Variants in CFAP299 observed in about 807,000 individuals in gnomAD.
CFAP299 encodes the protein cilia and flagella associated protein 299, also known as cilia- and flagella-associated protein 299.
CFAP299 carries 21 observed loss-of-function variants against 27.0 expected under a neutral mutation model. That is an observed-to-expected ratio of 0.78 (90% CI 0.55 to 1.12). The LOEUF (loss-of-function observed/expected upper bound fraction) is 1.12. Ranked by LOEUF, CFAP299 falls within the 50% of genes most tolerant of loss-of-function variation. The probability of loss-of-function intolerance (pLI) is 0.00; values close to 1 mark genes in which losing one functional copy is unlikely to be tolerated. For synonymous variants in CFAP299, 104 were observed against 98.1 expected (o/e 1.06, Z -0.36); for missense variants, 310 against 276.6 (o/e 1.12, Z -0.86).
At chr4:80,591,670 G>T (rs1317332648) in intron 3 of CFAP299, among the ~76,000 whole-genome samples, 2 of 152,136 alleles carry the variant, frequency 1.3e-5, no homozygotes, top group South Asian at 4.1e-4. Context: ...CAGAGCCAAG[G>T]AGTCACTGAG....
chr4:80,371,725 A>G (rs922743461), intron 2 of CFAP299, among the ~76,000 whole-genome samples: 7 of 150,598 alleles, frequency 4.6e-5, no homozygotes, highest in Non-Finnish European at 9.0e-5. Flanking sequence ...TCTAGTTTCT[A>G]ATAAGTTGCC....
intron 2 of CFAP299, among the ~76,000 whole-genome samples, chr4:80,367,985 A>G (rs1254052877): frequency 6.6e-6 from 1 of 152,154 alleles, no homozygotes; most frequent in African/African-American, 2.4e-5. Context: ...CTCAGGCTGG[A>G]TACTTGCCTG....
At chr4:80,693,835 C>T (rs1290557058) in intron 3 of CFAP299, among the ~76,000 whole-genome samples, 4 of 151,086 alleles carry the variant, frequency 2.6e-5, no homozygotes, top group Admixed American at 6.6e-5. Flanking sequence ...GCAATGTCAT[C>T]TGTTAATAAA....
At chr4:80,371,087 A>G (rs755604132) in intron 2 of CFAP299, among the ~76,000 whole-genome samples, 10 of 152,186 alleles carry the variant, frequency 6.6e-5, no homozygotes, top group Non-Finnish European at 1.0e-4. Flanking sequence ...GTGCACTTGT[A>G]GTCCTAACAC....
At chr4:80,519,674 A>G (rs1732804249) in intron 2 of CFAP299, among the ~76,000 whole-genome samples, 1 of 152,316 alleles carries the variant, frequency 6.6e-6, no homozygotes, top group South Asian at 2.1e-4. Context: ...TCCATGTTCA[A>G]TAAGTCAGCC....
At chr4:80,372,060 A>G (rs542109700) in intron 2 of CFAP299, among the ~76,000 whole-genome samples, 89 of 152,354 alleles carry the variant, frequency 5.8e-4, no homozygotes, top group Non-Finnish European at 1.0e-3. Flanking sequence ...TAATTGGCTC[A>G]TGATTCTTCA....
At chr4:80,636,123 G>T (rs1442002381) in intron 3 of CFAP299, among the ~76,000 whole-genome samples, 1 of 152,038 alleles carries the variant, frequency 6.6e-6, no homozygotes, top group Non-Finnish European at 1.5e-5. Flanking sequence ...ATCTCAGAAG[G>T]ATTAAAAAAT....
At chr4:80,889,344 G>A (rs1343768820) in intron 4 of CFAP299, among the ~76,000 whole-genome samples, 2 of 151,862 alleles carry the variant, frequency 1.3e-5, no homozygotes, top group Non-Finnish European at 2.9e-5. Context: ...TGGCTACTAT[G>A]AGCAAATATA....
chr4:80,347,365 A>C (rs1430417509), intron 1 of CFAP299, among the ~76,000 whole-genome samples: 1 of 151,966 alleles, frequency 6.6e-6, no homozygotes, highest in Non-Finnish European at 1.5e-5. Flanking sequence ...TTTTAAAGGG[A>C]ATGCTTCCAG....
chr4:80,782,623 A>G (rs1467176811), intron 3 of CFAP299, among the ~76,000 whole-genome samples: 3 of 106,460 alleles, frequency 2.8e-5, no homozygotes, highest in Non-Finnish European at 6.3e-5. Context: ...AATATATAAT[A>G]TATTCATATA....
At chr4:80,903,433 T>C (rs1053838525) in intron 4 of CFAP299, among the ~76,000 whole-genome samples, 1 of 152,036 alleles carries the variant, frequency 6.6e-6, no homozygotes, top group Non-Finnish European at 1.5e-5. Flanking sequence ...TTAATATTAT[T>C]TTTGCTATAA....
intron 3 of CFAP299, among the ~76,000 whole-genome samples, chr4:80,847,029 C>T (rs987145612): frequency 2.0e-5 from 3 of 152,168 alleles, no homozygotes. Flanking sequence ...TCAGAAGAAT[C>T]ATTTTGTTCT....
intron 3 of CFAP299, among the ~76,000 whole-genome samples, chr4:80,819,521 A>T (rs752426354): frequency 1.6e-4 from 24 of 152,176 alleles, no homozygotes; most frequent in Non-Finnish European, 3.2e-4. Context: ...GTCAAAATTA[A>T]CTTGATTTCT....
intron 5 of CFAP299, among the ~76,000 whole-genome samples, chr4:80,946,374 A>C (rs1737477424): frequency 6.6e-6 from 1 of 152,140 alleles, no homozygotes; most frequent in African/African-American, 2.4e-5. Flanking sequence ...AACCACATTC[A>C]AAACATAATG....
At chr4:80,406,543 T>A (rs750995323) in intron 2 of CFAP299, among the ~76,000 whole-genome samples, 10 of 152,112 alleles carry the variant, frequency 6.6e-5, no homozygotes, top group African/African-American at 9.7e-5. Flanking sequence ...TTTGTTTACT[T>A]TTTTTAGAGA....
chr4:80,948,238 A>G (rs1407602883), intron 5 of CFAP299, among the ~76,000 whole-genome samples: 1 of 152,226 alleles, frequency 6.6e-6, no homozygotes, highest in Non-Finnish European at 1.5e-5. Context: ...TTGTTTGGGA[A>G]TGGTAACAGT....
chr4:80,398,374 T>C (rs1725937314), intron 2 of CFAP299, among the ~76,000 whole-genome samples: 2 of 152,206 alleles, frequency 1.3e-5, no homozygotes, highest in African/African-American at 2.4e-5. Context: ...GAGCCCGCAT[T>C]GCCAATTCAA....
At chr4:80,378,971 A>G (rs1224675647) in intron 2 of CFAP299, among the ~76,000 whole-genome samples, 2 of 151,750 alleles carry the variant, frequency 1.3e-5, no homozygotes, top group Admixed American at 6.6e-5. Flanking sequence ...ATAATTTAGG[A>G]TGTTTTACTT....
chr4:80,921,039 A>G (rs151088439), intron 4 of CFAP299, among the ~76,000 whole-genome samples: 19 of 152,120 alleles, frequency 1.2e-4, no homozygotes, highest in Middle Eastern at 3.4e-3. Context: ...AAGTTTTTGT[A>G]GCGTTTCCCA....
Sources: allele counts gnomAD v4.1 joint callset (sites outside exome capture counted in the v4.1 genomes callset), GRCh38; gene constraint gnomAD v4.1.1; transcripts MANE v1.5; gene names NCBI Gene and HGNC (gene_info 2026-07-23, HGNC 2026-07-21).